The following EHBP1 variants were observed in gnomAD, a reference collection of about 807,000 sequenced individuals.
EHBP1 encodes EH domain-binding protein 1.
Under a neutral mutation model 144.0 loss-of-function variants are expected in EHBP1, and 55 were observed. The ratio of observed to expected loss-of-function variants is 0.38; its 90% CI spans 0.31 to 0.48. The LOEUF (loss-of-function observed/expected upper bound fraction) is 0.48, where lower values mean the gene tolerates loss of function less well. Ranked by LOEUF, EHBP1 falls within the 20% of genes least tolerant of loss-of-function variation. The pLI is 0.98. For missense variants in EHBP1, 1,200 were observed against 1,364.2 expected, an observed-to-expected ratio of 0.88 and a Z score of 1.90; for synonymous variants, 469 against 472.7, an observed-to-expected ratio of 0.99 and a Z score of 0.10.
chr2:62,855,830 C>T (rs371220585), intron 7 of EHBP1, among the ~76,000 whole-genome samples: 43 of 152,180 alleles, frequency 2.8e-4, no homozygotes, highest in East Asian at 7.7e-4. Flanking sequence ...AGGAGCAACC[C>T]GTTCCAGGGC....
intron 10 of EHBP1, among the ~76,000 whole-genome samples, chr2:62,934,191 G>C (rs1273986303): frequency 6.6e-6 from 1 of 152,076 alleles, no homozygotes; most frequent in African/African-American, 2.4e-5. Flanking sequence ...AGCTCCCTTT[G>C]CTCCACATCC....
intron 2 of EHBP1, among the ~76,000 whole-genome samples, chr2:62,731,800 A>G (rs2037626933): frequency 6.6e-6 from 1 of 152,130 alleles, no homozygotes; most frequent in African/African-American, 2.4e-5. Context: ...ATTCTTTTTA[A>G]CCATTGTTGG....
chr2:62,856,387 ACTGCAGTGCACCTGGTCTACCTGCAGCC>A (rs1237930775), intron 7 of EHBP1, among the ~76,000 whole-genome samples: 8 of 152,144 alleles, frequency 5.3e-5, no homozygotes, highest in Non-Finnish European at 1.2e-4. Context: ...AGATGTGGAA[ACTGCAGTGCACCTGGTCTACCTGCAGCC>A]TTGCAGAGAG....
At chr2:62,676,325 T>G (rs2033292945) in intron 1 of EHBP1, among the ~76,000 whole-genome samples, 1 of 152,260 alleles carries the variant, frequency 6.6e-6, no homozygotes. Flanking sequence ...AAATATTTCA[T>G]TTGGCTTTTA....
chr2:63,039,492 G>A (rs898261042), intron 21 of EHBP1, among the ~76,000 whole-genome samples: 2 of 151,896 alleles, frequency 1.3e-5, no homozygotes, highest in African/African-American at 4.8e-5. Flanking sequence ...ATGTCTTATA[G>A]TTCAAAGATG....
chr2:62,697,542 C>G (rs2034145267), intron 1 of EHBP1, among the ~76,000 whole-genome samples: 1 of 152,160 alleles, frequency 6.6e-6, no homozygotes, highest in South Asian at 2.1e-4. Flanking sequence ...CACCTCTCAT[C>G]AACTGAAATT....
At chr2:62,906,873 A>C (rs1259730653) in intron 10 of EHBP1, among the ~76,000 whole-genome samples, 1 of 152,236 alleles carries the variant, frequency 6.6e-6, no homozygotes, top group African/African-American at 2.4e-5. Context: ...TTTATACTTC[A>C]AGAATGTAAT....
At chr2:62,962,933 C>T (rs1410867035) in intron 14 of EHBP1, among the ~76,000 whole-genome samples, 1 of 152,116 alleles carries the variant, frequency 6.6e-6, no homozygotes, top group Non-Finnish European at 1.5e-5. Flanking sequence ...CATAATGGCC[C>T]ATCCATTACA....
intron 10 of EHBP1, among the ~76,000 whole-genome samples, chr2:62,910,978 T>A (rs532757019): frequency 6.6e-6 from 1 of 152,236 alleles, no homozygotes; most frequent in Non-Finnish European, 1.5e-5. Flanking sequence ...CTTTTTGATC[T>A]GTAGGACCTC....
chr2:62,782,265 A>G (rs1346049148), intron 5 of EHBP1, among the ~76,000 whole-genome samples: 3 of 152,256 alleles, frequency 2.0e-5, no homozygotes, highest in Non-Finnish European at 4.4e-5. Flanking sequence ...ACTATGGTAA[A>G]TGTATAATGA....
intron 19 of EHBP1, among the ~76,000 whole-genome samples, chr2:63,019,838 A>G (rs1056626401): frequency 3.5e-5 from 2 of 56,852 alleles, no homozygotes; most frequent in Non-Finnish European, 7.7e-5. Flanking sequence ...GAGGGAAGGA[A>G]GGAAGGAAGG....
intron 7 of EHBP1, among the ~76,000 whole-genome samples, chr2:62,841,507 AT>A (rs754512258): frequency 3.2e-4 from 48 of 152,204 alleles, no homozygotes; most frequent in Admixed American, 1.0e-3. Flanking sequence ...AATAAAAAAA[AT>A]AAAGCAAAAT....
upstream of EHBP1, among the ~76,000 whole-genome samples, chr2:62,703,045 C>T (rs1273315348): frequency 6.6e-6 from 1 of 152,056 alleles, no homozygotes; most frequent in Non-Finnish European, 1.5e-5. Context: ...TTAATATGAT[C>T]AGGCTGGAAG....
chr2:62,711,947 T>A (rs1270675129), intron 2 of EHBP1, among the ~76,000 whole-genome samples: 1 of 152,124 alleles, frequency 6.6e-6, no homozygotes, highest in Non-Finnish European at 1.5e-5. Flanking sequence ...ACAGTGAGTA[T>A]GATGATTTTT....
In EHBP1 at chr2:62,677,445, G is replaced by A. The variant is rs1004153872; in HGVS notation, c.-296+3362G>A. Among the ~76,000 whole-genome samples, 13 of 152,076 alleles carry A rather than the reference G, an allele frequency of 8.5e-5. No homozygotes were observed. In the East Asian group the frequency reaches 1.2e-3, roughly 14 times the overall value. ...CAGGAATGCAGTGCATAATAATCAC[G>A]TTGGGTAAATGTGTCCACCGCCTCA... On this transcript the variant is annotated intron_variant, in intron 1 of 22. Transcript: ENST00000405015.
At chr2:62,676,570 C>A (rs998917298) in intron 1 of EHBP1, among the ~76,000 whole-genome samples, 16 of 152,154 alleles carry the variant, frequency 1.1e-4, no homozygotes, top group Admixed American at 9.2e-4. Flanking sequence ...CATGATCCTG[C>A]GGGACTGTGT....
chr2:63,040,535 T>C (rs1401238959), intron 21 of EHBP1, among the ~76,000 whole-genome samples: 2 of 152,220 alleles, frequency 1.3e-5, no homozygotes, highest in African/African-American at 4.8e-5. Context: ...TAGAAAGTCA[T>C]ATATTTGAAG....
intron 2 of EHBP1, among the ~76,000 whole-genome samples, chr2:62,713,932 T>G (rs1490780811): frequency 6.6e-6 from 1 of 152,186 alleles, no homozygotes; most frequent in Non-Finnish European, 1.5e-5. Context: ...TCAATTGTGG[T>G]GGGTTCTTTA....
chr2:62,795,351 G>A (rs1326301337), intron 5 of EHBP1, among the ~76,000 whole-genome samples: 1 of 151,944 alleles, frequency 6.6e-6, no homozygotes, highest in Non-Finnish European at 1.5e-5. Context: ...TTAATAATAT[G>A]ATTGTACTAT....
Sources: gnomAD v4.1 joint callset for allele counts (sites outside exome capture counted in the v4.1 genomes callset) on GRCh38, gnomAD v4.1.1 for gene constraint, MANE v1.5 for transcripts, NCBI Gene and HGNC (gene_info 2026-07-23, HGNC 2026-07-21) for gene names.